MAP2K1: variants seen among roughly 807,000 people sequenced by gnomAD.
MAP2K1 encodes dual specificity mitogen-activated protein kinase kinase 1.
In MAP2K1, 16 loss-of-function variants were observed where a neutral mutation model predicts 46.3. The observed-to-expected ratio is 0.35, with a 90% CI of 0.23 to 0.52. MAP2K1 has a LOEUF of 0.52. MAP2K1 is among the 20% of genes least tolerant of loss of function. The pLI, the probability that MAP2K1 is intolerant of heterozygous loss-of-function variation, is 0.94. For missense variants in MAP2K1, 263 were observed against 497.1 expected (o/e 0.53, Z 4.48); for synonymous variants, 183 against 185.6 (o/e 0.99, Z 0.11).
intron 1 of MAP2K1, among the ~76,000 whole-genome samples, chr15:66,406,570 C>CTGAGAAAT (rs2093397364): frequency 6.6e-6 from 1 of 152,142 alleles, no homozygotes; most frequent in African/African-American, 2.4e-5. Context: ...CTATCAAAAA[C>CTGAGAAAT]TGAGAAATTG....
intron 3 of MAP2K1, among the ~76,000 whole-genome samples, chr15:66,441,630 C>G (rs2093503900): frequency 6.6e-6 from 1 of 151,956 alleles, no homozygotes; most frequent in African/African-American, 2.4e-5. Context: ...TCTCTTCATT[C>G]AACTGTTTGT....
chr15:66,464,499 A>C (rs1892411626), intron 5 of MAP2K1, among the ~76,000 whole-genome samples: 1 of 151,212 alleles, frequency 6.6e-6, no homozygotes, highest in African/African-American at 2.4e-5. Context: ...AGATGGGAAA[A>C]AGGAAAAGAA....
chr15:66,463,639 C>A (rs756433815), intron 5 of MAP2K1, among the ~76,000 whole-genome samples: 3 of 152,222 alleles, frequency 2.0e-5, no homozygotes, highest in Non-Finnish European at 2.9e-5. Flanking sequence ...CCTGCCACTA[C>A]GCCCGGCTAA....
intron 5 of MAP2K1, among the ~76,000 whole-genome samples, chr15:66,456,969 A>G (rs548507509): frequency 6.6e-6 from 1 of 152,340 alleles, no homozygotes; most frequent in African/African-American, 2.4e-5. Flanking sequence ...AAACACTAAC[A>G]TAGGATGAAA....
At chr15:66,471,464 G>C (rs972846129) in intron 5 of MAP2K1, among the ~76,000 whole-genome samples, 1 of 152,176 alleles carries the variant, frequency 6.6e-6, no homozygotes, top group Admixed American at 6.5e-5. Flanking sequence ...GGGCCACAGA[G>C]CTAGTAGATG....
chr15:66,443,470 A>G, intron 4 of MAP2K1, 113 bp downstream of exon 4: 3 of 732,190 alleles, frequency 4.1e-6, no homozygotes, highest in Admixed American at 4.0e-5. Context: ...GTTTATAAGA[A>G]AAGTGGTATT....
chr15:66,423,318 CTCTG>C (rs2093448225), intron 1 of MAP2K1, among the ~76,000 whole-genome samples: 2 of 152,096 alleles, frequency 1.3e-5, no homozygotes, highest in African/African-American at 4.8e-5. Context: ...ATTTTAAGGC[CTCTG>C]TCTGATAGTT....
chr15:66,395,712 G>T (rs540426920), intron 1 of MAP2K1, among the ~76,000 whole-genome samples: 1 of 151,924 alleles, frequency 6.6e-6, no homozygotes, highest in South Asian at 2.1e-4. Flanking sequence ...GAGTAGCTGG[G>T]ATTACAGGCG....
chr15:66,477,628 AC>A (rs1459818847), intron 5 of MAP2K1, among the ~76,000 whole-genome samples: 2 of 152,190 alleles, frequency 1.3e-5, no homozygotes, highest in Admixed American at 6.5e-5. Context: ...TCAGGATTTG[AC>A]ACAGGGCTTC....
At chr15:66,396,503 C>G (rs1401880755) in intron 1 of MAP2K1, among the ~76,000 whole-genome samples, 1 of 151,808 alleles carries the variant, frequency 6.6e-6, no homozygotes, top group Admixed American at 6.6e-5. Flanking sequence ...CTCCTGACCT[C>G]AGGTGATATG....
chr15:66,456,575 C>T (rs1481459647), intron 5 of MAP2K1, among the ~76,000 whole-genome samples: 3 of 152,336 alleles, frequency 2.0e-5, no homozygotes, highest in South Asian at 4.1e-4. Flanking sequence ...TAGCCCCAGA[C>T]ACATCTAGTC....
rs114182865 is a variant in MAP2K1, at chr15:66,461,765, C to T, written c.568+17058C>T. On this transcript the variant is annotated intron_variant, in intron 5 of 10. Coordinates refer to ENST00000307102, the MANE Select transcript of MAP2K1 (RefSeq NM_002755.4). ...GCTACCCACCAAGTGACCTCCGAGC[C>T]ACTGTGTCCTCTCCCTTTACCTTTC... Among the ~76,000 whole-genome samples, 145 of 152,310 alleles carry T rather than the reference C, an allele frequency of 9.5e-4. 1 individual carries two copies. The highest frequency in any genetic ancestry group is 3.4e-3 in the African/African-American group (142 of 41,560).
chr15:66,435,550 A>G (rs1378437798), intron 2 of MAP2K1, among the ~76,000 whole-genome samples: 2 of 151,228 alleles, frequency 1.3e-5, no homozygotes, highest in African/African-American at 2.4e-5. Context: ...CTGATCTCGA[A>G]CTCCTGACCT....
At chr15:66,402,704 T>C (rs2093385220) in intron 1 of MAP2K1, among the ~76,000 whole-genome samples, 1 of 152,164 alleles carries the variant, frequency 6.6e-6, no homozygotes, top group Admixed American at 6.5e-5. Context: ...CTATGGTTTG[T>C]TTTGTATGAA....
At chr15:66,422,949 CTTTTTTG>C (rs1595854069) in intron 1 of MAP2K1, among the ~76,000 whole-genome samples, 1 of 151,704 alleles carries the variant, frequency 6.6e-6, no homozygotes, top group East Asian at 1.9e-4. Flanking sequence ...TGGTTAATTT[CTTTTTTG>C]TTTTTTTGTT....
At chr15:66,419,162 T>C (rs1249322693) in intron 1 of MAP2K1, among the ~76,000 whole-genome samples, 1 of 151,650 alleles carries the variant, frequency 6.6e-6, no homozygotes, top group African/African-American at 2.4e-5. Context: ...CTGTTTTTTT[T>C]TCCCCCCTCT....
chr15:66,435,589 A>C (rs1456059736), intron 2 of MAP2K1, among the ~76,000 whole-genome samples: 1 of 152,042 alleles, frequency 6.6e-6, no homozygotes, highest in Non-Finnish European at 1.5e-5. Flanking sequence ...CAGCCCCACA[A>C]AGTGCTGGGA....
At chr15:66,466,869 A>G (rs1377029250) in intron 5 of MAP2K1, among the ~76,000 whole-genome samples, 2 of 152,184 alleles carry the variant, frequency 1.3e-5, no homozygotes, top group Admixed American at 6.5e-5. Context: ...TCAGCTCTCC[A>G]TGAGTCATGA....
At chr15:66,452,770 A>G (rs1419078835) in intron 5 of MAP2K1, among the ~76,000 whole-genome samples, 1 of 152,222 alleles carries the variant, frequency 6.6e-6, no homozygotes, top group Non-Finnish European at 1.5e-5. Flanking sequence ...AAGCTCTAAT[A>G]TGCTAATTGC....
Sources: allele counts gnomAD v4.1 joint callset (sites outside exome capture counted in the v4.1 genomes callset), GRCh38; gene constraint gnomAD v4.1.1; transcripts MANE v1.5; gene names NCBI Gene and HGNC (gene_info 2026-07-23, HGNC 2026-07-21).